Variants in BCAS3 observed in about 807,000 individuals in gnomAD.
The protein encoded by BCAS3 is BCAS4/BCAS3 fusion.
BCAS3 carries 53 observed loss-of-function variants against 116.1 expected under a neutral mutation model. The ratio of observed to expected loss-of-function variants is 0.46; its 90% confidence interval spans 0.37 to 0.57. The LOEUF is 0.57. Among genes scored for constraint, BCAS3 ranks in the 20% least tolerant of loss-of-function variants. BCAS3 has a pLI of 0.00. For missense variants in BCAS3, 917 were observed against 1,165.4 expected (o/e 0.79, Z 3.10); for synonymous variants, 391 against 408.2 (o/e 0.96, Z 0.51).
intron 22 of BCAS3, among the ~76,000 whole-genome samples, chr17:61,112,517 A>G (rs1469892586): frequency 1.4e-5 from 1 of 73,024 alleles, no homozygotes; most frequent in East Asian, 4.0e-4. Context: ...TAAAGGGATC[A>G]ATTCAACAAG....
At chr17:60,705,643 T>G (rs1173890926) in intron 4 of BCAS3, among the ~76,000 whole-genome samples, 2 of 152,050 alleles carry the variant, frequency 1.3e-5, no homozygotes, top group Non-Finnish European at 2.9e-5. Context: ...ACCAGAGAAG[T>G]TAAGAGAAGA....
chr17:61,094,900 A>G (rs552068261), intron 22 of BCAS3, among the ~76,000 whole-genome samples: 3 of 152,366 alleles, frequency 2.0e-5, no homozygotes, highest in African/African-American at 7.2e-5. Flanking sequence ...GATTTTTTGC[A>G]TAATAGATAT....
intron 7 of BCAS3, among the ~76,000 whole-genome samples, chr17:60,852,529 A>C (rs1217086808): frequency 4.6e-5 from 7 of 152,212 alleles, no homozygotes; most frequent in Non-Finnish European, 1.0e-4. Flanking sequence ...GAATAACTTT[A>C]AAAAAGAATT....
At chr17:60,957,633 A>G (rs1169378581) in intron 14 of BCAS3, among the ~76,000 whole-genome samples, 1 of 152,172 alleles carries the variant, frequency 6.6e-6, no homozygotes, top group Non-Finnish European at 1.5e-5. Flanking sequence ...ATTTCAGGAC[A>G]TTTTTGTAAT....
rs1335421275 is a variant in BCAS3, at chr17:61,017,915, TTA to T, written c.1637+2016_1637+2017del. Among the ~76,000 whole-genome samples the T allele has an allele frequency of 6.6e-5, 10 of 152,336 alleles. No individual in the cohort carries two copies. In the South Asian group the frequency reaches 2.1e-3, roughly 32 times the overall value. The stretch of plus-strand genomic sequence containing the variant: ...CACATTATGAATTTAGATAAAATTC[TTA>T]TGTTTCCTTTTCTTACAAAAATTTG... On this transcript the variant is annotated intron_variant, in intron 16 of 23. Coordinates refer to ENST00000407086, the MANE Select transcript of BCAS3 (RefSeq NM_017679.5). The surrounding 1 kb of genome is among the most constrained non-coding windows in gnomAD (Gnocchi z 4.7).
chr17:60,826,422 G>C (rs775881060), intron 7 of BCAS3, among the ~76,000 whole-genome samples: 1 of 151,932 alleles, frequency 6.6e-6, no homozygotes, highest in African/African-American at 2.4e-5. Flanking sequence ...TGATTCTCTC[G>C]TGTCGGCCTC....
chr17:60,790,672 A>C (rs1711931203), intron 6 of BCAS3, among the ~76,000 whole-genome samples: 2 of 151,090 alleles, frequency 1.3e-5, no homozygotes, highest in Admixed American at 1.3e-4. Context: ...ATAGGCACTG[A>C]TTATTATATA....
intron 22 of BCAS3, among the ~76,000 whole-genome samples, chr17:61,101,698 C>A (rs1381168672): frequency 6.6e-6 from 1 of 152,030 alleles, no homozygotes; most frequent in Non-Finnish European, 1.5e-5. Context: ...TTGTTCAGCT[C>A]TCATCCTCTT....
At chr17:60,903,050 T>C (rs2145066026) in intron 11 of BCAS3, among the ~76,000 whole-genome samples, 1 of 152,316 alleles carries the variant, frequency 6.6e-6, no homozygotes, top group East Asian at 1.9e-4. Context: ...CAAAGATTCT[T>C]TTATATCAAG....
At chr17:61,384,969 G>C (rs2059775154) in intron 23 of BCAS3, among the ~76,000 whole-genome samples, 2 of 152,178 alleles carry the variant, frequency 1.3e-5, no homozygotes, top group Non-Finnish European at 1.5e-5. Flanking sequence ...TGTATGCTCA[G>C]TGTGGTGGGA....
chr17:60,959,129 ACT>A (rs1396816745), intron 14 of BCAS3, among the ~76,000 whole-genome samples: 1 of 151,344 alleles, frequency 6.6e-6, no homozygotes, highest in African/African-American at 2.4e-5. Context: ...ACATAGAAAG[ACT>A]CTGTCTCTAC....
intron 5 of BCAS3, among the ~76,000 whole-genome samples, chr17:60,722,027 T>G (rs769180318): frequency 6.6e-6 from 1 of 152,218 alleles, no homozygotes; most frequent in Admixed American, 6.5e-5. Flanking sequence ...GTTTTTATGC[T>G]ATTGTGTGTA....
chr17:60,780,357 C>T (rs1245139044), intron 6 of BCAS3, among the ~76,000 whole-genome samples: 2 of 150,140 alleles, frequency 1.3e-5, no homozygotes, highest in Admixed American at 6.7e-5. Flanking sequence ...TGCGGTGGAG[C>T]GATCTCGTGA....
chr17:60,871,533 G>A (rs193181637), intron 8 of BCAS3, among the ~76,000 whole-genome samples: 217 of 151,682 alleles, frequency 1.4e-3, no homozygotes, highest in African/African-American at 5.1e-3. Context: ...GGGAAGTAGC[G>A]TGGGGTATGT....
intron 22 of BCAS3, among the ~76,000 whole-genome samples, chr17:61,178,494 G>C (rs1282386490): frequency 6.6e-6 from 1 of 151,904 alleles, no homozygotes; most frequent in African/African-American, 2.4e-5. Context: ...TATAGAGATG[G>C]GTCATTATCC....
chr17:61,297,729 T>C (rs1334149025), intron 22 of BCAS3, among the ~76,000 whole-genome samples: 1 of 151,858 alleles, frequency 6.6e-6, no homozygotes, highest in African/African-American at 2.4e-5. Flanking sequence ...GAGGGTGAAA[T>C]CGGAAATCTA....
chr17:60,811,067 G>A (rs2048767807), intron 7 of BCAS3: 11 of 632,698 alleles, frequency 1.7e-5, no homozygotes, highest in South Asian at 3.0e-5. Context: ...GAGCTGAGAC[G>A]TACAGTCCAG....
At position 61,156,279 on chromosome 17, in the gene BCAS3, T is replaced by C. The variant is rs149485868; in HGVS notation, c.2425+71715T>C. ...TGGTCTTCTTTTCAGGGATTGGAAT[T>C]GAGCCTGGTAAAATTCCTTAGGTCT... On this transcript the variant is annotated intron_variant, in intron 22 of 23. Transcript: ENST00000407086. The surrounding 1 kb of genome is among the most constrained non-coding windows in gnomAD (Gnocchi z 4.7). 1.2e-4 allele frequency among the ~76,000 whole-genome samples: 19 copies of C among 152,304 alleles called. No homozygotes were observed. Among genetic ancestry groups the C allele is most frequent in the Middle Eastern group, 3.4e-3 (1 of 292 alleles).
At chr17:60,984,978 C>G (rs1412165081) in intron 14 of BCAS3, among the ~76,000 whole-genome samples, 1 of 130,608 alleles carries the variant, frequency 7.7e-6, no homozygotes, top group African/African-American at 3.0e-5. Context: ...CCACTGCACT[C>G]TAGCCTGGGT....
Sources: allele counts gnomAD v4.1 joint callset (sites outside exome capture counted in the v4.1 genomes callset), GRCh38; gene constraint gnomAD v4.1.1; non-coding constraint Gnocchi (gnomAD v3.1); transcripts MANE v1.5; gene names NCBI Gene and HGNC (gene_info 2026-07-23, HGNC 2026-07-21).